SLC2A9: variants seen among roughly 807,000 people sequenced by gnomAD.
The protein encoded by SLC2A9 is solute carrier family 2 member 9.
In SLC2A9, 39 loss-of-function variants were observed where a neutral mutation model predicts 50.6. The ratio of observed to expected loss-of-function variants is 0.77; its 90% confidence interval spans 0.60 to 1.01. The LOEUF (loss-of-function observed/expected upper bound fraction) is 1.01, where lower values mean the gene tolerates loss of function less well. Ranked by LOEUF, SLC2A9 falls within the 50% of genes least tolerant of loss-of-function variation. SLC2A9 has a pLI of 0.00. For synonymous variants in SLC2A9, 324 were observed against 276.9 expected (o/e 1.17, Z -1.69); for missense variants, 686 against 677.6 (o/e 1.01, Z -0.14).
At chr4:9,849,070 G>T (rs1244830266) in intron 10 of SLC2A9, among the ~76,000 whole-genome samples, 1 of 152,208 alleles carries the variant, frequency 6.6e-6, no homozygotes, top group African/African-American at 2.4e-5. Flanking sequence ...AGCCTGGGCT[G>T]CGATGGGGAG....
chr4:9,929,714 C>T (rs1346456789), intron 6 of SLC2A9, among the ~76,000 whole-genome samples: 3 of 151,624 alleles, frequency 2.0e-5, no homozygotes, highest in Non-Finnish European at 2.9e-5. Flanking sequence ...AGAATTACAA[C>T]CCACACCGGG....
chr4:9,866,557 T>C (rs962543275), intron 10 of SLC2A9, among the ~76,000 whole-genome samples: 3 of 152,110 alleles, frequency 2.0e-5, no homozygotes, highest in Admixed American at 1.3e-4. Flanking sequence ...AACTGCCCAG[T>C]ATTCACGCTC....
intron 4 of SLC2A9, among the ~76,000 whole-genome samples, chr4:9,983,401 C>T (rs1560434721): frequency 1.3e-5 from 2 of 152,250 alleles, no homozygotes; most frequent in South Asian, 2.1e-4. Context: ...AAAGTGCTTG[C>T]ACATTGTGCA....
chr4:9,840,221 A>G (rs912716308), intron 10 of SLC2A9, among the ~76,000 whole-genome samples: 6 of 152,148 alleles, frequency 3.9e-5, no homozygotes, highest in Admixed American at 6.5e-5. Flanking sequence ...AAAACTTAAA[A>G]TACTTGAAAA....
chr4:9,910,845 G>T (rs1378592431), intron 7 of SLC2A9, among the ~76,000 whole-genome samples: 2 of 152,198 alleles, frequency 1.3e-5, no homozygotes, highest in Admixed American at 1.3e-4. Context: ...TATAACTTTT[G>T]CAGGGAAATT....
chr4:9,794,134 C>T (rs112577718), downstream of SLC2A9, among the ~76,000 whole-genome samples: 14 of 151,616 alleles, frequency 9.2e-5, no homozygotes, highest in African/African-American at 1.7e-4. Context: ...TTGTGCAGAG[C>T]GATCTCATTA....
rs776127501 is a variant in SLC2A9, at chr4:9,985,693, G to A, written c.511C>T (p.Arg171Cys). 88 of 1,613,872 alleles carry A rather than the reference G, an allele frequency of 5.5e-5. No homozygotes were observed. Among genetic ancestry groups the A allele is most frequent in the Non-Finnish European group, 6.8e-5 (80 of 1,179,876 alleles). The change falls in exon 4 of 12, where the codon CGC (arginine) becomes TGC (cysteine). Residue 171 changes from arginine to cysteine, a missense_variant. Transcript: ENST00000264784. ...AGAFEMLIVG[R>C]FIMGIDGGVA... ...CCTCCATCTATGCCCATGATGAAGC[G>A]TCCCACGATGAGCATTTCAAAGGCT...
At chr4:9,982,892 C>T (rs1440318485) in intron 4 of SLC2A9, among the ~76,000 whole-genome samples, 1 of 152,156 alleles carries the variant, frequency 6.6e-6, no homozygotes, top group Non-Finnish European at 1.5e-5. Context: ...CTTTTGAGAT[C>T]GAGTTTTGCT....
chr4:9,880,369 A>G, intron 10 of SLC2A9: 1 of 985,586 alleles, frequency 1.0e-6, no homozygotes, highest in African/African-American at 1.7e-5. Context: ...CTGACAGGTG[A>G]TCTGGGATTG....
In SLC2A9 at chr4:9,947,419, GC is replaced by G. The variant is rs564352570; in HGVS notation, c.682-5375del. Reference sequence around the variant, plus strand: ...ACTCAGCTCCCTGATAAGGGGGTGGGCTGAGGCTAAATCCAGCCCACTCTGA... The same window carrying G: ...ACTCAGCTCCCTGATAAGGGGGTGGGTGAGGCTAAATCCAGCCCACTCTGA... On this transcript the variant is annotated intron_variant, in intron 5 of 11. Coordinates refer to ENST00000264784, the MANE Select transcript of SLC2A9 (RefSeq NM_020041.3). Among the ~76,000 whole-genome samples the G allele has an allele frequency of 2.0e-3, 300 of 152,292 alleles. 1 individual carries two copies. Among genetic ancestry groups the G allele is most frequent in the African/African-American group, 6.8e-3 (282 of 41,558 alleles).
chr4:9,828,873 CT>C (rs1377280899), intron 11 of SLC2A9, among the ~76,000 whole-genome samples: 1 of 152,184 alleles, frequency 6.6e-6, no homozygotes, highest in Admixed American at 6.5e-5. Context: ...CATCATTTTT[CT>C]TGTATTCCCA....
intron 5 of SLC2A9, among the ~76,000 whole-genome samples, chr4:9,964,514 C>T (rs758365386): frequency 2.0e-5 from 3 of 152,110 alleles, no homozygotes; most frequent in Non-Finnish European, 4.4e-5. Context: ...GGTCGTGCCC[C>T]GAAATGAATC....
At chr4:10,019,605 C>G (rs1479382145) in intron 1 of SLC2A9, among the ~76,000 whole-genome samples, 1 of 152,214 alleles carries the variant, frequency 6.6e-6, no homozygotes, top group Non-Finnish European at 1.5e-5. Flanking sequence ...CAGTGCCCCT[C>G]TAGTCACCAC....
At chr4:9,829,686 T>A (rs1452000440) in intron 11 of SLC2A9, among the ~76,000 whole-genome samples, 1 of 151,954 alleles carries the variant, frequency 6.6e-6, no homozygotes, top group Non-Finnish European at 1.5e-5. Context: ...AACAACCTCA[T>A]TAAAAAGTGG....
intron 10 of SLC2A9, among the ~76,000 whole-genome samples, chr4:9,877,190 C>A (rs188219957): frequency 1.3e-5 from 2 of 152,312 alleles, no homozygotes; most frequent in East Asian, 3.9e-4. Flanking sequence ...GAGGCCAAGG[C>A]CACGGATAGG....
intron 10 of SLC2A9, among the ~76,000 whole-genome samples, chr4:9,874,501 G>A (rs549799871): frequency 3.7e-4 from 57 of 152,312 alleles, no homozygotes; most frequent in East Asian, 2.3e-3. Flanking sequence ...TTTTGGAACC[G>A]CGCAGAGGAT....
chr4:9,807,130 G>A (rs557525648), intron 3 of SLC2A9, among the ~76,000 whole-genome samples: 2 of 152,210 alleles, frequency 1.3e-5, no homozygotes, highest in Admixed American at 6.5e-5. Flanking sequence ...AGGAGATGCC[G>A]TGACTATGGA....
At chr4:9,905,953 C>G (rs868150963) in intron 8 of SLC2A9, among the ~76,000 whole-genome samples, 2 of 152,194 alleles carry the variant, frequency 1.3e-5, no homozygotes, top group African/African-American at 4.8e-5. Flanking sequence ...CCTCAACTGT[C>G]AAAAGATAGC....
intron 10 of SLC2A9, chr4:9,879,704 AAACTCCCCATAGAGGACTT>A (rs1167386974): frequency 5.1e-6 from 5 of 985,278 alleles, no homozygotes; most frequent in Non-Finnish European, 6.0e-6. Context: ...ATTTAAACAC[AAACTCCCCATAGAGGACTT>A]AACTTGGTGC....
Sources: gnomAD v4.1 joint callset for allele counts (sites outside exome capture counted in the v4.1 genomes callset) on GRCh38, gnomAD v4.1.1 for gene constraint, MANE v1.5 for transcripts, NCBI Gene and HGNC (gene_info 2026-07-23, HGNC 2026-07-21) for gene names.